The following NUP210L variants were observed in gnomAD, a reference collection of about 807,000 sequenced individuals.
The protein encoded by NUP210L is nucleoporin 210 like.
Under a neutral mutation model 208.5 loss-of-function variants are expected in NUP210L, and 74 were observed. The observed-to-expected ratio is 0.35, with a 90% CI of 0.29 to 0.43. The LOEUF is 0.43. Among genes scored for constraint, NUP210L ranks in the 20% least tolerant of loss-of-function variants. The pLI, the probability that NUP210L is intolerant of heterozygous loss-of-function variation, is 1.00. For synonymous variants in NUP210L, 780 were observed against 816.9 expected (o/e 0.95, Z 0.77); for missense variants, 1,843 against 2,289.4 (o/e 0.81, Z 3.98).
intron 17 of NUP210L, among the ~76,000 whole-genome samples, chr1:154,066,265 T>C (rs1490802638): frequency 6.6e-6 from 1 of 151,892 alleles, no homozygotes; most frequent in Non-Finnish European, 1.5e-5. Flanking sequence ...AGGCAAGAAA[T>C]AACTAAGATC....
rs1571330758 is a variant in NUP210L, at chr1:154,148,344, A to G, written c.340+4392T>C. On this transcript the variant is annotated intron_variant, in intron 2 of 39. Coordinates refer to ENST00000368559, the Ensembl canonical transcript of NUP210L. ...CCATCTTTACAAAACTTAGCTGGGCATGGTGGCGTGTGCCTGCAGTCCCAG... is the reference window on the plus strand; with the variant it reads ...CCATCTTTACAAAACTTAGCTGGGCGTGGTGGCGTGTGCCTGCAGTCCCAG... Among the ~76,000 whole-genome samples the G allele has an allele frequency of 1.3e-5, 2 of 151,874 alleles. 1 individual carries two copies. The highest frequency in any genetic ancestry group is 6.9e-3 in the Middle Eastern group (2 of 288).
At position 154,138,341 on chromosome 1, in the gene NUP210L, A is replaced by T. The variant is rs548034805; in HGVS notation, c.718-103T>A. 122 of 1,050,974 alleles carry T rather than the reference A, an allele frequency of 1.2e-4. No homozygotes were observed. In the African/African-American group the frequency reaches 1.7e-3, roughly 15 times the overall value. The allele number at this position is 1,050,974 out of a possible 1,614,324, so 65.1% of individuals were successfully genotyped here. The stretch of plus-strand genomic sequence containing the variant: ...TTACTTCTTTTAAACTTCTTTTAAA[A>T]TTTTTTATAAAGATTTTTTTAAAAG... On this transcript the variant is annotated intron_variant, in intron 5 of 39. Coordinates refer to ENST00000368559, the Ensembl canonical transcript of NUP210L.
intron 29 of NUP210L, among the ~76,000 whole-genome samples, chr1:154,026,120 A>G (rs1247814910): frequency 6.6e-6 from 1 of 151,748 alleles, no homozygotes; most frequent in Non-Finnish European, 1.5e-5. Context: ...CTGTAATCCC[A>G]GCTTCTCGGG....
At chr1:154,136,345 G>A (rs41313902) in intron 6 of NUP210L, among the ~76,000 whole-genome samples, 8 of 152,156 alleles carry the variant, frequency 5.3e-5, no homozygotes, top group South Asian at 4.2e-4. Flanking sequence ...CCAGCTACTC[G>A]GGAGGCTGAT....
At chr1:154,065,781 T>C (rs1654373822) in intron 17 of NUP210L, among the ~76,000 whole-genome samples, 1 of 149,710 alleles carries the variant, frequency 6.7e-6, no homozygotes, top group Non-Finnish European at 1.5e-5. Flanking sequence ...TAGTCCCAGC[T>C]ACTCAGGAGG....
chr1:154,061,132 C>T, intron 18 of NUP210L, 86 bp from the exon 19 acceptor site: 1 of 895,278 alleles, frequency 1.1e-6, no homozygotes, highest in South Asian at 1.4e-5. Flanking sequence ...AATCCCAGCA[C>T]TTTGGGAGGG....
At chr1:154,043,209 G>A (rs1477439882) in intron 27 of NUP210L, among the ~76,000 whole-genome samples, 5 of 151,136 alleles carry the variant, frequency 3.3e-5, no homozygotes, top group Non-Finnish European at 4.4e-5. Context: ...TGGTAGAGAC[G>A]GGGTTTTGCC....
At chr1:154,109,889 T>C (rs751276709) in intron 12 of NUP210L, among the ~76,000 whole-genome samples, 1 of 150,922 alleles carries the variant, frequency 6.6e-6, no homozygotes, top group Non-Finnish European at 1.5e-5. Flanking sequence ...ACCTATGAGA[T>C]ACAGTGAAAG....
chr1:154,110,421 G>A (rs756833043), intron 12 of NUP210L, among the ~76,000 whole-genome samples: 19 of 150,512 alleles, frequency 1.3e-4, no homozygotes, highest in South Asian at 2.1e-4. Flanking sequence ...ACAGGGGCAC[G>A]CCACCATGCC....
At chr1:154,137,845 G>A (rs926331145) in intron 6 of NUP210L, among the ~76,000 whole-genome samples, 10 of 152,308 alleles carry the variant, frequency 6.6e-5, no homozygotes, top group African/African-American at 2.4e-4. Context: ...ACAAGCGAGA[G>A]CCACCATGCC....
chr1:154,126,145 A>G (rs1156437758), intron 10 of NUP210L, among the ~76,000 whole-genome samples, 178 bp downstream of exon 10: 1 of 152,150 alleles, frequency 6.6e-6, no homozygotes, highest in Non-Finnish European at 1.5e-5. Flanking sequence ...TTTAATGTAC[A>G]ATAACATAGA....
intron 2 of NUP210L, among the ~76,000 whole-genome samples, chr1:154,148,077 G>A (rs1659207418): frequency 6.7e-6 from 1 of 149,908 alleles, no homozygotes; most frequent in African/African-American, 2.5e-5. Flanking sequence ...GGCCAACATG[G>A]CCAACATGGC....
intron 37 of NUP210L, among the ~76,000 whole-genome samples, chr1:153,997,216 G>A (rs1212938649): frequency 2.0e-5 from 3 of 150,910 alleles, no homozygotes; most frequent in African/African-American, 4.9e-5. Flanking sequence ...CAACCACTTC[G>A]GCCTCCCAAA....
chr1:154,048,714 C>T (rs189391309), intron 25 of NUP210L, among the ~76,000 whole-genome samples: 10 of 152,236 alleles, frequency 6.6e-5, no homozygotes, highest in Admixed American at 3.9e-4. Context: ...CTGGGGAGCC[C>T]CAGCAAAAAG....
intron 12 of NUP210L, among the ~76,000 whole-genome samples, chr1:154,107,909 G>GA (rs1235918277): frequency 6.6e-6 from 1 of 151,670 alleles, no homozygotes; most frequent in Admixed American, 6.6e-5. Context: ...GGAGACTAAA[G>GA]AAAAAATAAT....
intron 35 of NUP210L, among the ~76,000 whole-genome samples, chr1:154,005,100 C>T (rs1010470421): frequency 1.3e-5 from 2 of 151,952 alleles, no homozygotes; most frequent in Non-Finnish European, 2.9e-5. Flanking sequence ...ATCCACCCTC[C>T]TCGGCCTCCC....
At chr1:154,022,090 T>C (rs1460917839) in intron 32 of NUP210L, 36 bp downstream of exon 32, 1 of 1,497,124 alleles carries the variant, frequency 6.7e-7, no homozygotes, top group African/African-American at 1.4e-5. Context: ...CCCACAACTA[T>C]CAATTGTAAG....
intron 2 of NUP210L, among the ~76,000 whole-genome samples, chr1:154,149,020 T>C (rs1479856648): frequency 6.7e-6 from 1 of 149,352 alleles, no homozygotes. Context: ...TGACCTTACA[T>C]AAAAAAGGAA....
chr1:154,006,817 CATAT>C (rs376666558), intron 35 of NUP210L, among the ~76,000 whole-genome samples: 14 of 114,680 alleles, frequency 1.2e-4, no homozygotes, highest in Non-Finnish European at 1.6e-4. Flanking sequence ...CTTACCATGC[CATAT>C]ATATATATAT....
Sources: gnomAD v4.1 joint callset for allele counts (sites outside exome capture counted in the v4.1 genomes callset) on GRCh38, gnomAD v4.1.1 for gene constraint, MANE v1.5 for transcripts, NCBI Gene and HGNC (gene_info 2026-07-23, HGNC 2026-07-21) for gene names.